The following PCDHB9 variants were observed in gnomAD, a reference collection of about 807,000 sequenced individuals.
The protein encoded by PCDHB9 is protocadherin beta-9.
For missense variants in PCDHB9, 1,072 were observed against 995.1 expected, an observed-to-expected ratio of 1.08 and a Z score of -1.04; for synonymous variants, 501 against 439.7, an observed-to-expected ratio of 1.14 and a Z score of -1.75.
In PCDHB9 at chr5:141,187,923, G is replaced by T. The variant is rs782097852; in HGVS notation, c.605G>T (p.Arg202Leu). The change falls in exon 1 of 1, where the codon CGG (arginine) becomes CTG (leucine). Residue 202 changes from arginine (R) to leucine (L), a missense_variant. By Grantham distance (102) the Arg-to-Leu change is moderately radical. Coordinates refer to ENST00000316105, the MANE Select transcript of PCDHB9 (RefSeq NM_019119.5). The part of the protein sequence containing the change: ...PELVLDKALD[R>L]EEQEELSLTL... The stretch of plus-strand genomic sequence containing the variant: ...CTAGTGTTGGACAAAGCACTGGATC[G>T]GGAGGAGCAGGAAGAGCTCAGCTTA... The T allele has an allele frequency of 6.2e-7, 1 of 1,614,126 alleles. No homozygotes were observed. The highest frequency in any genetic ancestry group is 8.5e-7 in the Non-Finnish European group (1 of 1,180,028).
rs371493524 is a variant in PCDHB9, at chr5:141,187,277, G to A, written c.-42G>A. On this transcript the variant is annotated 5_prime_UTR_variant, in exon 1 of 1. Transcript: ENST00000316105. ...TGGGTTTGCGATTGCTATTTGTGCT[G>A]GGGCAGTGTGATTGAGACTGACATT... The A allele has an allele frequency of 1.9e-6, 3 of 1,574,750 alleles. No homozygotes were observed. Among genetic ancestry groups the A allele is most frequent in the East Asian group, 2.2e-5 (1 of 44,678 alleles).
At position 141,187,690 on chromosome 5, in the gene PCDHB9, G is replaced by T. The variant is rs2740588; in HGVS notation, c.372G>T (p.Arg124Ser). The change falls in exon 1 of 1, where the codon AGG (arginine) becomes AGT (serine). Residue 124 changes from arginine (R) to serine (S), a missense_variant. Arg to Ser is a moderately radical substitution (Grantham distance 110, BLOSUM62 -1). Coordinates refer to ENST00000316105, the MANE Select transcript of PCDHB9 (RefSeq NM_019119.5). ...TTTACCGGGCTGAGCTGAGAGTCAGGGATATAAATGATCACTCGCCAGTGT... is the reference window on the plus strand; with the variant it reads ...TTTACCGGGCTGAGCTGAGAGTCAGTGATATAAATGATCACTCGCCAGTGT... ...FQIYRAELRV[R>S]DINDHSPVFR... 0.23 allele frequency: 373,564 copies of T among 1,613,754 alleles called. 48,033 individuals are homozygous for T. The highest frequency in any genetic ancestry group is 0.53 in the East Asian group (23,798 of 44,858).
In PCDHB9 at chr5:141,188,185, A is replaced by C; in HGVS notation, c.867A>C (p.Leu289Phe). 6.2e-7 allele frequency: 1 copy of C among 1,611,098 alleles called. No individual in the cohort carries two copies. The highest frequency in any genetic ancestry group is 8.5e-7 in the Non-Finnish European group (1 of 1,178,200). The change falls in exon 1 of 1, where the codon TTA becomes TTC. Residue 289 changes from leucine (L) to phenylalanine (F), a missense_variant. Coordinates refer to ENST00000316105, the MANE Select transcript of PCDHB9 (RefSeq NM_019119.5). ...TTTTTGATGCTTCTGAAGATATTTTAACAACGTTTCAAATCAATCCTTTTT... is the reference window on the plus strand; with the variant it reads ...TTTTTGATGCTTCTGAAGATATTTTCACAACGTTTCAAATCAATCCTTTTT... ...YSFFDASEDI[L>F]TTFQINPFSG...
At position 141,189,175 on chromosome 5, in the gene PCDHB9, G is replaced by C; in HGVS notation, c.1857G>C (p.Ala619=). The C allele has an allele frequency of 1.2e-6, 2 of 1,602,026 alleles. No homozygotes were observed. Among genetic ancestry groups the C allele is most frequent in the Non-Finnish European group, 8.5e-7 (1 of 1,179,320 alleles). The change falls in exon 1 of 1, where the codon GCG becomes GCC. Residue 619 remains alanine, a synonymous_variant. Transcript: ENST00000316105. ...ATEPGLFGVW[A]HNGEVRTARL... ...AGCCCGGGCTGTTCGGTGTGTGGGC[G>C]CACAATGGGGAGGTGCGCACCGCCA... is the stretch of plus-strand genomic sequence containing the variant.
chr5:141,190,252 C>A lies in PCDHB9; in HGVS notation c.*540C>A. On this transcript the variant is annotated 3_prime_UTR_variant, in exon 1 of 1. Transcript: ENST00000316105. Reference sequence around the variant, plus strand: ...GGAGTGCAGTGGCGCGATCTCAGCTCACTGCAACCTCCGCCTCCCAGGTTC... The same window carrying A: ...GGAGTGCAGTGGCGCGATCTCAGCTAACTGCAACCTCCGCCTCCCAGGTTC... 1 of 150,536 alleles carries A rather than the reference C, an allele frequency of 6.6e-6. No individual in the cohort carries two copies. The highest frequency in any genetic ancestry group is 1.5e-5 in the Non-Finnish European group (1 of 68,198). 9.3% of individuals were successfully genotyped at this position (150,536 alleles called of 1,614,324 possible). A position where few individuals can be genotyped will look rare whatever the true frequency, so the allele number is the denominator to read the frequency against.
chr5:141,188,559 AAGCTG>A lies in PCDHB9; in HGVS notation c.1244_1248del (p.Ala415ValfsTer9). 1 of 1,614,166 alleles carries A rather than the reference AAGCTG, an allele frequency of 6.2e-7. No individual in the cohort carries two copies. ...GAAGGTGCACTGGACAGAGAGAGCA[AAGCTG>A]AGTACAACATCACCATCACCGTCAC... On this transcript the variant is annotated frameshift_variant, in exon 1 of 1. Coordinates refer to ENST00000316105, the MANE Select transcript of PCDHB9 (RefSeq NM_019119.5). LOFTEE classifies it low-confidence loss of function (END_TRUNC).
In PCDHB9 at chr5:141,188,563, T is replaced by G; in HGVS notation, c.1245T>G (p.Ala415=). ...TEGALDRESK[A]EYNITITVTD... Reference sequence around the variant, plus strand: ...GTGCACTGGACAGAGAGAGCAAAGCTGAGTACAACATCACCATCACCGTCA... The same window carrying G: ...GTGCACTGGACAGAGAGAGCAAAGCGGAGTACAACATCACCATCACCGTCA... Residue 415 remains alanine, a synonymous_variant, in exon 1 of 1, where the codon GCT becomes GCG. Coordinates refer to ENST00000316105, the MANE Select transcript of PCDHB9 (RefSeq NM_019119.5). 6.2e-7 allele frequency: 1 copy of G among 1,614,176 alleles called. No homozygotes were observed. The highest frequency in any genetic ancestry group is 8.5e-7 in the Non-Finnish European group (1 of 1,180,044).
In PCDHB9 at chr5:141,187,864, T is replaced by A; in HGVS notation, c.546T>A (p.Ile182=). The A allele has an allele frequency of 6.2e-7, 1 of 1,614,132 alleles. No individual in the cohort carries two copies. Among genetic ancestry groups the A allele is most frequent in the Non-Finnish European group, 8.5e-7 (1 of 1,180,030 alleles). Residue 182 remains isoleucine, a synonymous_variant, in exon 1 of 1, where the codon ATT becomes ATA. Transcript: ENST00000316105. ...CCAACTCTTTTTTCCATATTAAAAT[T>A]AGTGGCAGTGATGAAGGCATGATAT... ...ISSNSFFHIK[I]SGSDEGMIYP...
Position 141,187,707 on chromosome 5 carries a change from C to T in PCDHB9, c.389C>T (p.Ser130Leu). Residue 130 changes from serine to leucine, a missense_variant, in exon 1 of 1, where the codon TCG becomes TTG. Ser to Leu is a moderately radical substitution (Grantham distance 145, BLOSUM62 -2). Coordinates refer to ENST00000316105, the MANE Select transcript of PCDHB9 (RefSeq NM_019119.5). ...ELRVRDINDH[S>L]PVFRHKEMVL... ...AGAGTCAGGGATATAAATGATCACT[C>T]GCCAGTGTTTCGGCACAAAGAGATG... 1.2e-6 allele frequency: 2 copies of T among 1,614,062 alleles called. No individual in the cohort carries two copies. Among genetic ancestry groups the T allele is most frequent in the African/African-American group, 2.7e-5 (2 of 75,004 alleles).
Position 141,189,604 on chromosome 5 carries a change from C to T in PCDHB9, c.2286C>T (p.Gly762=), listed in dbSNP as rs1554283410. The change falls in exon 1 of 1, where the codon GGC becomes GGT. Residue 762 remains glycine (G), a synonymous_variant. Coordinates refer to ENST00000316105, the MANE Select transcript of PCDHB9 (RefSeq NM_019119.5). The part of the protein sequence containing the change: ...EVCLTGGSET[G]EFKFLKPITP... ...GTCTGACTGGAGGTTCAGAGACCGGCGAGTTCAAGTTCTTGAAGCCGATTA... is the reference window on the plus strand; with the variant it reads ...GTCTGACTGGAGGTTCAGAGACCGGTGAGTTCAAGTTCTTGAAGCCGATTA... 1.2e-6 allele frequency: 2 copies of T among 1,613,992 alleles called. No homozygotes were observed. The highest frequency in any genetic ancestry group is 1.7e-6 in the Non-Finnish European group (2 of 1,179,990).
rs370004943 is a variant in PCDHB9 at position 141,189,477 on chromosome 5, C to T, written c.2159C>T (p.Ala720Val). 4 of 1,613,012 alleles carry T rather than the reference C, an allele frequency of 2.5e-6. No individual in the cohort carries two copies. The highest frequency in any genetic ancestry group is 2.7e-5 in the African/African-American group (2 of 74,876). ...AVRLCRRSRA[A>V]SVGRCSVPEG... ...CGGCTGTGCAGGAGGAGCAGGGCGGCCTCGGTGGGTCGCTGCTCGGTGCCC... is the reference window on the plus strand; with the variant it reads ...CGGCTGTGCAGGAGGAGCAGGGCGGTCTCGGTGGGTCGCTGCTCGGTGCCC... Residue 720 changes from alanine (A) to valine (V), a missense_variant, in exon 1 of 1, where the codon GCC becomes GTC. Coordinates refer to ENST00000316105, the MANE Select transcript of PCDHB9 (RefSeq NM_019119.5).
Position 141,191,269 on chromosome 5 carries a change from A to T in PCDHB9, c.*1557A>T, listed in dbSNP as rs555871357. 5 of 152,214 alleles carry T rather than the reference A, an allele frequency of 3.3e-5. No homozygotes were observed. In the East Asian group the frequency reaches 9.6e-4, roughly 29 times the overall value. 9.4% of individuals were successfully genotyped at this position (152,214 alleles called of 1,614,324 possible). ...AACTCCATCAAAATAAAATAAAATA[A>T]AATATAAAATAACTTAAAAAGAACT... On this transcript the variant is annotated 3_prime_UTR_variant, in exon 1 of 1. Transcript: ENST00000316105.
In PCDHB9 at chr5:141,190,975, C is replaced by A. The variant is rs1393176271; in HGVS notation, c.*1263C>A. On this transcript the variant is annotated 3_prime_UTR_variant, in exon 1 of 1. Transcript: ENST00000316105. Reference sequence around the variant, plus strand: ...CTTTCTAGATATAAGGTCTTTGAGGCAGGGCTCAGTGGCTCATTCCTGTAA... The same window carrying A: ...CTTTCTAGATATAAGGTCTTTGAGGAAGGGCTCAGTGGCTCATTCCTGTAA... The A allele has an allele frequency of 6.6e-6, 1 of 152,188 alleles. No homozygotes were observed. The highest frequency in any genetic ancestry group is 1.5e-5 in the Non-Finnish European group (1 of 68,068). 9.4% of individuals were successfully genotyped at this position (152,188 alleles called of 1,614,324 possible). A position where few individuals can be genotyped will look rare whatever the true frequency, so the allele number is the denominator to read the frequency against.
At position 141,189,025 on chromosome 5, in the gene PCDHB9, C is replaced by G. The variant is rs782481710; in HGVS notation, c.1707C>G (p.Ser569=). ...TGCTGTACCCGCTGCAGAACGGCTC[C>G]GCGCCCTGCACCGAGCTGGTGCCCC... is the stretch of plus-strand genomic sequence containing the variant. ...PFVLYPLQNG[S]APCTELVPRA... is the part of the protein sequence containing the mutation. Residue 569 remains serine, a synonymous_variant, in exon 1 of 1, where the codon TCC becomes TCG. Coordinates refer to ENST00000316105, the MANE Select transcript of PCDHB9 (RefSeq NM_019119.5). 6.1e-5 allele frequency: 98 copies of G among 1,609,828 alleles called. No individual in the cohort carries two copies. The South Asian group carries it at 8.8e-4, about 14-fold the overall frequency.
In PCDHB9 at chr5:141,190,568, A is replaced by C. The variant is rs1393683240; in HGVS notation, c.*856A>C. On this transcript the variant is annotated 3_prime_UTR_variant, in exon 1 of 1. Coordinates refer to ENST00000316105, the MANE Select transcript of PCDHB9 (RefSeq NM_019119.5). ...TTTGAAATATAATGTTTCTCTTGTA[A>C]GTGATATGATAAATAAACCCCTAAT... The C allele has an allele frequency of 2.0e-5, 3 of 151,618 alleles. No homozygotes were observed. Among genetic ancestry groups the C allele is most frequent in the Non-Finnish European group, 4.4e-5 (3 of 67,972 alleles). 9.4% of individuals were successfully genotyped at this position (151,618 alleles called of 1,614,324 possible). A position where few individuals can be genotyped will look rare whatever the true frequency, so the allele number is the denominator to read the frequency against.
At position 141,189,028 on chromosome 5, in the gene PCDHB9, G is replaced by A. The variant is rs782654537; in HGVS notation, c.1710G>A (p.Ala570=). 9 of 1,609,334 alleles carry A rather than the reference G, an allele frequency of 5.6e-6. No homozygotes were observed. The highest frequency in any genetic ancestry group is 6.8e-6 in the Non-Finnish European group (8 of 1,179,544). ...TGTACCCGCTGCAGAACGGCTCCGC[G>A]CCCTGCACCGAGCTGGTGCCCCGGG... ...FVLYPLQNGS[A]PCTELVPRAA... is the part of the protein sequence containing the mutation. The change falls in exon 1 of 1, where the codon GCG becomes GCA. Residue 570 remains alanine (A), a synonymous_variant. Coordinates refer to ENST00000316105, the MANE Select transcript of PCDHB9 (RefSeq NM_019119.5).
Position 141,188,794 on chromosome 5 carries a change from G to A in PCDHB9, c.1476G>A (p.Pro492=). Residue 492 remains proline (P), a synonymous_variant, in exon 1 of 1, where the codon CCG becomes CCA. Transcript: ENST00000316105. The part of the protein sequence containing the change: ...TNAQVTYSLL[P]PQDPHLPLAS... ...CCCAGGTCACCTACTCGCTGCTGCC[G>A]CCCCAGGACCCACACCTGCCCCTCG... 3.7e-6 allele frequency: 6 copies of A among 1,612,882 alleles called. No individual in the cohort carries two copies. Among genetic ancestry groups the A allele is most frequent in the Non-Finnish European group, 5.1e-6 (6 of 1,180,018 alleles).
In PCDHB9 at chr5:141,189,340, G is replaced by C; in HGVS notation, c.2022G>C (p.Pro674=). 1.2e-6 allele frequency: 2 copies of C among 1,611,182 alleles called. No homozygotes were observed. Residue 674 remains proline, a synonymous_variant, in exon 1 of 1, where the codon CCG becomes CCC. Coordinates refer to ENST00000316105, the MANE Select transcript of PCDHB9 (RefSeq NM_019119.5). ...DGFSQPYLPL[P]EAAPAQAQAD... ...TCTCCCAGCCCTACCTGCCTCTCCC[G>C]GAGGCGGCCCCGGCCCAGGCCCAGG...
At position 141,188,700 on chromosome 5, in the gene PCDHB9, G is replaced by C. The variant is rs184098326; in HGVS notation, c.1382G>C (p.Arg461Pro). 2.4e-5 allele frequency: 39 copies of C among 1,613,754 alleles called. No individual in the cohort carries two copies. The highest frequency in any genetic ancestry group is 1.1e-4 in the African/African-American group (8 of 74,864). Residue 461 changes from arginine to proline, a missense_variant, in exon 1 of 1, where the codon CGG (arginine) becomes CCG (proline). Arg to Pro is a moderately radical substitution (Grantham distance 103). Transcript: ENST00000316105. ...FTQTSYTLFV[R>P]ENNSPALHIG... ...CAAACCTCCTACACCCTGTTCGTCC[G>C]GGAGAACAACAGCCCCGCCCTGCAC...
Sources: gnomAD v4.1 joint callset for allele counts on GRCh38, gnomAD v4.1.1 for gene constraint, MANE v1.5 for transcripts, NCBI Gene and HGNC (gene_info 2026-07-23, HGNC 2026-07-21) for gene names.